The following ZNF324B variants were observed in gnomAD, a reference collection of about 807,000 sequenced individuals.
ZNF324B encodes zinc finger protein 324B.
A neutral mutation model predicts 10.6 loss-of-function variants in ZNF324B; 7 were observed. The observed-to-expected ratio is 0.66, with a 90% CI of 0.38 to 1.24. ZNF324B has a LOEUF of 1.24. ZNF324B is among the 50% of genes most tolerant of loss of function. ZNF324B has a pLI of 0.02. For synonymous variants in ZNF324B, 316 were observed against 321.0 expected (o/e 0.98, Z 0.17); for missense variants, 640 against 764.7 (o/e 0.84, Z 1.92).
In ZNF324B at chr19:58,456,208, G is replaced by C. The variant is rs372915064; in HGVS notation, c.1264G>C (p.Glu422Gln). 2.3e-5 allele frequency: 37 copies of C among 1,613,056 alleles called. No homozygotes were observed. The highest frequency in any genetic ancestry group is 2.9e-5 in the Non-Finnish European group (34 of 1,179,848). Residue 422 changes from glutamate to glutamine, a missense_variant, in exon 4 of 4, where the codon GAG becomes CAG. By Grantham distance (29) the Glu-to-Gln change is conservative (BLOSUM62 2). Around this residue, in one of 3 missense-constraint regions of ZNF324B, gnomAD observed 238 missense variants for 258.0 expected, o/e 0.92. Coordinates refer to ENST00000336614, the MANE Select transcript of ZNF324B (RefSeq NM_207395.3). The surrounding 1 kb of genome is among the most constrained non-coding windows in gnomAD (Gnocchi z 4.7). The stretch of plus-strand genomic sequence containing the variant: ...TTTGCACCAGCGCGTGCACACAGGC[G>C]AGAAGCCCTTCGCCTGCGCCCAGTG... ...LFLHQRVHTG[E>Q]KPFACAQCGR...
intron 1 of ZNF324B, chr19:58,453,056 CGGAG>C (rs887684282): frequency 2.0e-5 from 3 of 151,820 alleles, no homozygotes; most frequent in Non-Finnish European, 4.4e-5. Context: ...GCCTGGGTGA[CGGAG>C]TGAGACTCCG....
In ZNF324B at chr19:58,455,277, A is replaced by T. The variant is rs60037165; in HGVS notation, c.333A>T (p.Pro111=). The change falls in exon 4 of 4, where the codon CCA becomes CCT. Residue 111 remains proline (P), a synonymous_variant. Coordinates refer to ENST00000336614, the MANE Select transcript of ZNF324B (RefSeq NM_207395.3). The surrounding 1 kb of genome is among the most constrained non-coding windows in gnomAD (Gnocchi z 7.0). ...TPPGMTTSVF[P]VADACHSVKS... is the part of the protein sequence containing the mutation. ...CTGGGATGACTACTAGCGTCTTCCC[A>T]GTTGCCGATGCCTGCCACAGTGTAA... 276,444 of 1,614,096 alleles carry T rather than the reference A, an allele frequency of 0.17. 25,530 individuals are homozygous for T. The highest frequency in any genetic ancestry group is 0.23 in the East Asian group (10,106 of 44,856).
the ZNF324B span, chr19:58,434,573 G>A: frequency 6.2e-7 from 1 of 1,614,066 alleles, no homozygotes; most frequent in Non-Finnish European, 8.5e-7. Flanking sequence ...TTACACACAT[G>A]GGGTATTTCC....
chr19:58,447,984 G>C (rs1472833894), upstream of ZNF324B, among the ~76,000 whole-genome samples: 1 of 152,188 alleles, frequency 6.6e-6, no homozygotes, highest in East Asian at 1.9e-4. Flanking sequence ...CCATGATTGT[G>C]AGGCCTCCCA....
the ZNF324B span, chr19:58,442,158 G>GTTTTTTTTT: frequency 9.6e-5 from 8 of 82,970 alleles, no homozygotes; most frequent in Non-Finnish European, 1.6e-4. Context: ...GAGTGTTACA[G>GTTTTTTTTT]TTCTTTTTTT....
the ZNF324B span, among the ~76,000 whole-genome samples, chr19:58,419,838 A>G: frequency 6.6e-6 from 1 of 152,138 alleles, no homozygotes; most frequent in Admixed American, 6.6e-5. Context: ...ACCTTTTCAG[A>G]GTCTTGCTGT....
At position 58,454,488 on chromosome 19, in the gene ZNF324B, C is replaced by G. The variant is rs747041448; in HGVS notation, c.238+144C>G. ...TTCCATCATCAGCCTCTCCTGGAGG[C>G]TGCTGCCTTAGTAGGTGCCCTTGAA... On this transcript the variant is annotated intron_variant, in intron 3 of 3. Transcript: ENST00000336614. 1.4e-5 allele frequency: 9 copies of G among 639,474 alleles called. No homozygotes were observed. In the Admixed American group the frequency reaches 1.9e-4, roughly 13 times the overall value. 39.6% of individuals were successfully genotyped at this position (639,474 alleles called of 1,614,324 possible).
chr19:58,446,127 T>C, the ZNF324B span, among the ~76,000 whole-genome samples: 1 of 152,068 alleles, frequency 6.6e-6, no homozygotes, highest in Non-Finnish European at 1.5e-5. Context: ...AGAGTGAAAC[T>C]CCATCTCAAA....
the ZNF324B span, among the ~76,000 whole-genome samples, chr19:58,432,035 G>A: frequency 0.18 from 26,787 of 151,958 alleles, 2,577 homozygotes; most frequent in Non-Finnish European, 0.21. Flanking sequence ...ACAAGGTTCT[G>A]GATCTCTAGC....
At chr19:58,432,144 T>C in the ZNF324B span, 1 of 369,206 alleles carries the variant, frequency 2.7e-6, no homozygotes, top group Non-Finnish European at 5.4e-6. Flanking sequence ...GAAGTGTGTG[T>C]TAGTGACCAG....
chr19:58,455,581 C>G lies in ZNF324B; in HGVS notation c.637C>G (p.Leu213Val), dbSNP rs1266267548. 3 of 1,614,108 alleles carry G rather than the reference C, an allele frequency of 1.9e-6. No individual in the cohort carries two copies. In the East Asian group the frequency reaches 6.7e-5, roughly 36 times the overall value. ...PGRAFGNASD[L>V]KAASGGRDRR... is the part of the protein sequence containing the mutation. ...GAGAGCCTTCGGGAATGCCTCGGAC[C>G]TGAAGGCCGCCAGTGGTGGCAGGGA... Residue 213 changes from leucine (L) to valine (V), a missense_variant, in exon 4 of 4, where the codon CTG becomes GTG. Leu to Val is a conservative substitution (Grantham distance 32, BLOSUM62 1). Transcript: ENST00000336614. This position sits in a 1 kb window ranked among gnomAD's most constrained non-coding sequence, Gnocchi z 7.0.
the ZNF324B span, among the ~76,000 whole-genome samples, chr19:58,427,445 TTCCTTTC>T: frequency 1.5e-3 from 111 of 74,752 alleles, 1 homozygote; most frequent in African/African-American, 3.6e-3. Flanking sequence ...CTTCCTTCCT[TTCCTTTC>T]CCTTCCTTCC....
the ZNF324B span, among the ~76,000 whole-genome samples, chr19:58,422,974 ATTC>A: frequency 3.4e-5 from 5 of 146,524 alleles, no homozygotes; most frequent in South Asian, 1.1e-3. Context: ...GGTTCACACC[ATTC>A]TTCTGCCTCG....
the ZNF324B span, chr19:58,419,123 T>C: frequency 2.0e-5 from 3 of 152,206 alleles, no homozygotes; most frequent in Non-Finnish European, 4.4e-5. Context: ...GAAAGACTTG[T>C]AGCCTGGATG....
chr19:58,424,634 A>G, the ZNF324B span, among the ~76,000 whole-genome samples: 8 of 152,222 alleles, frequency 5.3e-5, no homozygotes, highest in African/African-American at 1.4e-4. Context: ...GAGTTCTAAT[A>G]TAAGTGTGAT....
At chr19:58,435,114 G>C in the ZNF324B span, 1 of 1,614,166 alleles carries the variant, frequency 6.2e-7, no homozygotes, top group Non-Finnish European at 8.5e-7. Context: ...TAGCTTTCTT[G>C]GTGGAAGGAT....
chr19:58,439,930 C>T, the ZNF324B span: 2 of 1,168,152 alleles, frequency 1.7e-6, no homozygotes, highest in South Asian at 1.4e-5. Flanking sequence ...CGCGCAAGGC[C>T]TCTGGGCACC....
chr19:58,423,407 A>G, the ZNF324B span, among the ~76,000 whole-genome samples: 7 of 151,818 alleles, frequency 4.6e-5, no homozygotes, highest in East Asian at 1.4e-3. Context: ...TGATCTGCCC[A>G]GCTTGGCCTC....
In ZNF324B at chr19:58,453,939, T is replaced by C. The variant is rs879188725; in HGVS notation, c.121+117T>C. On this transcript the variant is annotated intron_variant, in intron 2 of 3. Transcript: ENST00000336614. ...TGGCCAGGGCCACGTGGAACAAGGG[T>C]CTGGTCCTGTAGACACAAAGTTTGG... 12 of 1,444,704 alleles carry C rather than the reference T, an allele frequency of 8.3e-6. No individual in the cohort carries two copies. In the South Asian group the frequency reaches 1.4e-4, roughly 17 times the overall value. 89.5% of individuals were successfully genotyped at this position (1,444,704 alleles called of 1,614,324 possible).
Sources: gnomAD v4.1 joint callset for allele counts (sites outside exome capture counted in the v4.1 genomes callset) on GRCh38, gnomAD v4.1.1 for gene constraint, gnomAD v4.1.1 regional missense constraint, Gnocchi (gnomAD v3.1) non-coding constraint, MANE v1.5 for transcripts, NCBI Gene and HGNC (gene_info 2026-07-23, HGNC 2026-07-21) for gene names.